The following KCNIP4 variants were observed in gnomAD, a reference collection of about 807,000 sequenced individuals.
KCNIP4 encodes the protein Kv channel-interacting protein 4.
In KCNIP4, 12 loss-of-function variants were observed where a neutral mutation model predicts 34.0. That is an observed-to-expected ratio of 0.35 (90% CI 0.23 to 0.57). The LOEUF (loss-of-function observed/expected upper bound fraction) is 0.57, where lower values mean the gene tolerates loss of function less well. Among genes scored for constraint, KCNIP4 ranks in the 20% least tolerant of loss-of-function variants. The pLI, the probability that KCNIP4 is intolerant of heterozygous loss-of-function variation, is 0.83. For missense variants in KCNIP4, 238 were observed against 311.7 expected, an observed-to-expected ratio of 0.76 and a Z score of 1.78; for synonymous variants, 124 against 102.2, an observed-to-expected ratio of 1.21 and a Z score of -1.29.
At chr4:21,445,224 C>T (rs1727871065) in intron 1 of KCNIP4, among the ~76,000 whole-genome samples, 1 of 152,118 alleles carries the variant, frequency 6.6e-6, no homozygotes, top group Non-Finnish European at 1.5e-5. Context: ...GATTCAATGC[C>T]ATCCCCATCA....
intron 1 of KCNIP4, among the ~76,000 whole-genome samples, chr4:21,574,424 C>T (rs1383037511): frequency 6.6e-6 from 1 of 151,542 alleles, no homozygotes; most frequent in African/African-American, 2.4e-5. Context: ...GTTTTTGTGG[C>T]CTTAATATAT....
chr4:21,614,474 CT>C (rs1744426391), intron 1 of KCNIP4, among the ~76,000 whole-genome samples: 1 of 147,022 alleles, frequency 6.8e-6, no homozygotes, highest in African/African-American at 2.5e-5. Context: ...AAATATTGAG[CT>C]ATATATATAT....
At chr4:21,627,904 T>C (rs892799735) in intron 1 of KCNIP4, among the ~76,000 whole-genome samples, 2 of 152,166 alleles carry the variant, frequency 1.3e-5, no homozygotes, top group African/African-American at 2.4e-5. Flanking sequence ...AAATGATTCT[T>C]GGGAGGAAAA....
chr4:21,824,472 C>T (rs1407319978), intron 1 of KCNIP4, among the ~76,000 whole-genome samples: 1 of 152,142 alleles, frequency 6.6e-6, no homozygotes, highest in Non-Finnish European at 1.5e-5. Flanking sequence ...GCACCAGCTA[C>T]TACCAACCAG....
chr4:21,272,565 C>T (rs1425342), intron 1 of KCNIP4, among the ~76,000 whole-genome samples: 42,772 of 151,972 alleles, frequency 0.28, 6,157 homozygotes, highest in South Asian at 0.38. Flanking sequence ...TTTCCTTTTC[C>T]AGTCTTTTCA....
At chr4:20,736,554 C>CT (rs1041885186) in intron 5 of KCNIP4, among the ~76,000 whole-genome samples, 1 of 151,990 alleles carries the variant, frequency 6.6e-6, no homozygotes, top group Admixed American at 6.6e-5. Flanking sequence ...TTAATTTTAC[C>CT]TTTTTTTCTA....
At chr4:21,091,956 G>A (rs1196673792) in intron 1 of KCNIP4, among the ~76,000 whole-genome samples, 1 of 152,068 alleles carries the variant, frequency 6.6e-6, no homozygotes, top group African/African-American at 2.4e-5. Flanking sequence ...TTTTATTTCT[G>A]TTATACTGAC....
intron 1 of KCNIP4, among the ~76,000 whole-genome samples, chr4:21,006,497 T>G (rs536184094): frequency 6.6e-6 from 1 of 152,308 alleles, no homozygotes; most frequent in Admixed American, 6.5e-5. Flanking sequence ...CACTCCTCAT[T>G]GTAAGCTCTA....
chr4:21,415,547 A>AT (rs1357285028), intron 1 of KCNIP4, among the ~76,000 whole-genome samples: 1 of 151,836 alleles, frequency 6.6e-6, no homozygotes, highest in African/African-American at 2.4e-5. Context: ...CAAAAAAAAA[A>AT]AAAAATTAGC....
chr4:20,806,655 C>G (rs1165098268), intron 3 of KCNIP4, among the ~76,000 whole-genome samples: 1 of 151,922 alleles, frequency 6.6e-6, no homozygotes, highest in Non-Finnish European at 1.5e-5. Flanking sequence ...TAAAACAGAA[C>G]CATGCTTAGG....
intron 1 of KCNIP4, among the ~76,000 whole-genome samples, chr4:21,297,361 G>T (rs1055148921): frequency 2.0e-5 from 3 of 152,012 alleles, no homozygotes; most frequent in African/African-American, 7.2e-5. Flanking sequence ...AAGTCCCTCA[G>T]CCTGATAGTT....
chr4:21,106,686 C>T (rs145280969), intron 1 of KCNIP4, among the ~76,000 whole-genome samples: 42,643 of 150,998 alleles, frequency 0.28, 6,878 homozygotes, highest in African/African-American at 0.41. Context: ...TTAATTGTAA[C>T]GTTAGGGTGT....
rs182834948 is a variant in KCNIP4 at position 21,005,895 on chromosome 4, C to T, written c.62-123186G>A. On this transcript the variant is annotated intron_variant, in intron 1 of 8. Coordinates refer to ENST00000382152, the MANE Select transcript of KCNIP4 (RefSeq NM_025221.6). ...TTTATCCTAAAACATACTCTTTCCC[C>T]TGACATTTGCATTTTTTCTGAAATT... is the stretch of plus-strand genomic sequence containing the variant. 1.7e-4 allele frequency among the ~76,000 whole-genome samples: 26 copies of T among 152,252 alleles called. No individual in the cohort carries two copies. The East Asian group carries it at 4.6e-3, about 27-fold the overall frequency.
chr4:21,525,600 TG>T (rs1735904669), intron 1 of KCNIP4, among the ~76,000 whole-genome samples: 2 of 151,656 alleles, frequency 1.3e-5, no homozygotes, highest in South Asian at 2.1e-4. Context: ...TAATGACATT[TG>T]TTTTTTTATT....
intron 3 of KCNIP4, chr4:20,767,393 T>C (rs1755509246): frequency 6.6e-6 from 1 of 152,178 alleles, no homozygotes; most frequent in East Asian, 1.9e-4. Flanking sequence ...TATTTATTAA[T>C]TTAAAGTTTT....
intron 3 of KCNIP4, among the ~76,000 whole-genome samples, chr4:20,762,169 G>T (rs1199318003): frequency 6.6e-6 from 1 of 152,160 alleles, no homozygotes; most frequent in Admixed American, 6.5e-5. Context: ...CCACATTCCT[G>T]GTTCATAGAT....
chr4:20,998,295 C>T (rs1737753103), intron 1 of KCNIP4, among the ~76,000 whole-genome samples: 1 of 152,080 alleles, frequency 6.6e-6, no homozygotes, highest in Non-Finnish European at 1.5e-5. Context: ...CTGTAGAAGC[C>T]CTATCAATCC....
chr4:20,951,292 T>C (rs1484701859), intron 1 of KCNIP4, among the ~76,000 whole-genome samples: 1 of 152,134 alleles, frequency 6.6e-6, no homozygotes, highest in East Asian at 1.9e-4. Context: ...AAATAAGTTG[T>C]TTAAGCCACC....
At chr4:21,483,258 G>T (rs114870161) in intron 1 of KCNIP4, among the ~76,000 whole-genome samples, 2,254 of 151,472 alleles carry the variant, frequency 0.015, 60 homozygotes, top group African/African-American at 0.052. Context: ...GAAATAAAAG[G>T]TTGAACTTGA....
Sources: allele counts gnomAD v4.1 joint callset (sites outside exome capture counted in the v4.1 genomes callset), GRCh38; gene constraint gnomAD v4.1.1; transcripts MANE v1.5; gene names NCBI Gene and HGNC (gene_info 2026-07-23, HGNC 2026-07-21).